ZPBP: variants seen among roughly 807,000 people sequenced by gnomAD.
The protein encoded by ZPBP is zona pellucida binding protein.
Under a neutral mutation model 44.8 loss-of-function variants are expected in ZPBP, and 26 were observed. The observed-to-expected ratio is 0.58, with a 90% CI of 0.43 to 0.81. The LOEUF (loss-of-function observed/expected upper bound fraction) is 0.81. Ranked by LOEUF, ZPBP falls within the 30% of genes least tolerant of loss-of-function variation. The probability of loss-of-function intolerance (pLI) is 0.00; values close to 1 mark genes in which losing one functional copy is unlikely to be tolerated. For synonymous variants in ZPBP, 174 were observed against 153.2 expected, an observed-to-expected ratio of 1.14 and a Z score of -1.00; for missense variants, 409 against 434.0, an observed-to-expected ratio of 0.94 and a Z score of 0.51.
At chr7:50,063,297 T>C (rs1286847525) in intron 3 of ZPBP, among the ~76,000 whole-genome samples, 1 of 152,214 alleles carries the variant, frequency 6.6e-6, no homozygotes, top group Non-Finnish European at 1.5e-5. Context: ...TTTCTGCTTA[T>C]ACATTTTTTA....
downstream of ZPBP, chr7:49,936,258 A>G (rs1400288550): frequency 2.6e-5 from 4 of 152,192 alleles, no homozygotes; most frequent in Non-Finnish European, 5.9e-5. Flanking sequence ...ACATCTCTAA[A>G]CCGTATAAAA....
chr7:49,912,112 G>A, intron 1 of ZPBP: 1 of 1,614,096 alleles, frequency 6.2e-7, no homozygotes, highest in Non-Finnish European at 8.5e-7. Context: ...ATATGCCACT[G>A]TACTTATGAG....
intron 4 of ZPBP, among the ~76,000 whole-genome samples, chr7:50,036,154 T>C (rs927634876): frequency 1.3e-5 from 2 of 152,148 alleles, no homozygotes; most frequent in Admixed American, 6.5e-5. Flanking sequence ...CTAATAAATA[T>C]GTTTCTTTGT....
chr7:50,066,459 A>G (rs1201486818), intron 3 of ZPBP, among the ~76,000 whole-genome samples: 1 of 138,172 alleles, frequency 7.2e-6, no homozygotes, highest in African/African-American at 2.8e-5. Context: ...GGTATTCCTT[A>G]CCCAGGTAGT....
chr7:49,959,236 G>GACT (rs1465090777), intron 7 of ZPBP, among the ~76,000 whole-genome samples: 1 of 142,620 alleles, frequency 7.0e-6, no homozygotes, highest in Non-Finnish European at 1.5e-5. Flanking sequence ...CACTGTACTA[G>GACT]AGGACCTAGT....
intron 5 of ZPBP, among the ~76,000 whole-genome samples, chr7:50,024,216 T>C (rs1018224349): frequency 5.9e-5 from 9 of 152,006 alleles, no homozygotes; most frequent in Admixed American, 1.3e-4. Flanking sequence ...TAGGAATGTA[T>C]GTTGGTACAA....
At chr7:49,984,128 T>C (rs1797145698) in intron 6 of ZPBP, among the ~76,000 whole-genome samples, 1 of 152,182 alleles carries the variant, frequency 6.6e-6, no homozygotes, top group South Asian at 2.1e-4. Flanking sequence ...AAATTCAAAC[T>C]GCTACAAGCT....
At chr7:50,018,155 T>G (rs1305815284) in intron 6 of ZPBP, 85 bp downstream of exon 6, 5 of 1,011,024 alleles carry the variant, frequency 4.9e-6, no homozygotes, top group Non-Finnish European at 7.7e-6. Flanking sequence ...TTCAACGTAT[T>G]TTATAAATAG....
At chr7:49,844,257 T>C in the ZPBP span, among the ~76,000 whole-genome samples, 1 of 152,222 alleles carries the variant, frequency 6.6e-6, no homozygotes, top group Non-Finnish European at 1.5e-5. Context: ...GCTGAGTCCC[T>C]GAAGGGCGTC....
intron 7 of ZPBP, among the ~76,000 whole-genome samples, chr7:49,971,273 A>G (rs1241884122): frequency 2.0e-5 from 3 of 152,344 alleles, no homozygotes; most frequent in South Asian, 4.1e-4. Flanking sequence ...AATCACCATA[A>G]TGAGGGAAAT....
At chr7:49,873,919 C>A (rs75996730) in intron 2 of ZPBP, among the ~76,000 whole-genome samples, 4,822 of 140,990 alleles carry the variant, frequency 0.034, 244 homozygotes, top group African/African-American at 0.12. Context: ...AAAAAAAAAA[C>A]AACAAAAAAA....
intron 1 of ZPBP, chr7:49,920,193 T>C (rs915393439): frequency 1.3e-5 from 2 of 152,120 alleles, no homozygotes; most frequent in African/African-American, 4.8e-5. Context: ...GTCTGAAACA[T>C]TTAAAATATT....
intron 7 of ZPBP, among the ~76,000 whole-genome samples, chr7:49,979,312 G>C (rs1484040079): frequency 6.6e-6 from 1 of 151,796 alleles, no homozygotes; most frequent in African/African-American, 2.4e-5. Flanking sequence ...ACAGTCTCTT[G>C]TTCCCTAATT....
intron 5 of ZPBP, among the ~76,000 whole-genome samples, chr7:50,018,721 T>C (rs951788362): frequency 3.9e-5 from 6 of 151,984 alleles, no homozygotes; most frequent in Non-Finnish European, 7.4e-5. Context: ...AGCTGCAAAA[T>C]GATAGAGGTA....
intron 7 of ZPBP, among the ~76,000 whole-genome samples, chr7:49,941,996 A>G (rs1381070810): frequency 6.6e-6 from 1 of 152,134 alleles, no homozygotes; most frequent in Non-Finnish European, 1.5e-5. Context: ...GGATGCCAAG[A>G]TCATTCAATG....
chr7:50,077,305 T>C (rs879504202), intron 3 of ZPBP, among the ~76,000 whole-genome samples: 2 of 148,184 alleles, frequency 1.3e-5, no homozygotes, highest in African/African-American at 4.9e-5. Context: ...ATTATAAACA[T>C]TGGGGAAAAT....
chr7:49,869,166 G>A (rs988916930), intron 2 of ZPBP, among the ~76,000 whole-genome samples: 1 of 152,022 alleles, frequency 6.6e-6, no homozygotes, highest in Non-Finnish European at 1.5e-5. Context: ...AAGGTTGAGG[G>A]CACAAATATG....
chr7:50,083,535 T>G (rs1181550148), intron 2 of ZPBP, among the ~76,000 whole-genome samples: 1 of 151,998 alleles, frequency 6.6e-6, no homozygotes, highest in East Asian at 1.9e-4. Context: ...TAAAGCTTCA[T>G]AAATATCTGA....
rs10248426 is a variant in ZPBP at position 49,980,270 on chromosome 7, T to C, written c.961+3072A>G. 5.8e-3 allele frequency among the ~76,000 whole-genome samples: 569 copies of C among 97,502 alleles called. 5 individuals carry two copies. The highest frequency in any genetic ancestry group is 0.02 in the African/African-American group (537 of 27,446). The allele number at this position is 97,502 out of a possible 152,430, so 64.0% of individuals were successfully genotyped here. On this transcript the variant is annotated intron_variant, in intron 7 of 7. Transcript: ENST00000046087. Reference sequence around the variant, plus strand: ...AAATATATAATACATATAATATAAATATATAATATATATAATATAAATATA... The same window carrying C: ...AAATATATAATACATATAATATAAACATATAATATATATAATATAAATATA...
Sources: allele counts gnomAD v4.1 joint callset (sites outside exome capture counted in the v4.1 genomes callset), GRCh38; gene constraint gnomAD v4.1.1; transcripts MANE v1.5; gene names NCBI Gene and HGNC (gene_info 2026-07-23, HGNC 2026-07-21).